The following KRT83 variants were observed in gnomAD, a reference collection of about 807,000 sequenced individuals.
KRT83 encodes the protein keratin, type II cuticular Hb3.
A neutral mutation model predicts 52.9 loss-of-function variants in KRT83; 51 were observed. The observed-to-expected ratio is 0.96, with a 90% CI of 0.77 to 1.22. The LOEUF (loss-of-function observed/expected upper bound fraction) is 1.22. Among genes scored for constraint, KRT83 ranks in the 50% most tolerant of loss-of-function variants. The probability of loss-of-function intolerance (pLI) is 0.00; values close to 1 mark genes in which losing one functional copy is unlikely to be tolerated. For synonymous variants in KRT83, 278 were observed against 274.1 expected, an observed-to-expected ratio of 1.01 and a Z score of -0.14; for missense variants, 654 against 666.5, an observed-to-expected ratio of 0.98 and a Z score of 0.21.
chr12:52,318,575 G>A (rs1174866776), intron 2 of KRT83, among the ~76,000 whole-genome samples: 1 of 152,196 alleles, frequency 6.6e-6, no homozygotes, highest in Non-Finnish European at 1.5e-5. Flanking sequence ...GGAGGGGTAT[G>A]CTGGGCCTGG....
chr12:52,318,563 AGG>A (rs772705528), intron 2 of KRT83, among the ~76,000 whole-genome samples: 1 of 152,004 alleles, frequency 6.6e-6, no homozygotes, highest in African/African-American at 2.4e-5. Context: ...AGAGACAGGG[AGG>A]GAGGGGTATG....
At position 52,319,140 on chromosome 12, in the gene KRT83, T is replaced by C. The variant is rs1367061056; in HGVS notation, c.593+16A>G. 26 of 1,612,672 alleles carry C rather than the reference T, an allele frequency of 1.6e-5. No individual in the cohort carries two copies. The highest frequency in any genetic ancestry group is 2.2e-5 in the Non-Finnish European group (26 of 1,179,830). On this transcript the variant is annotated intron_variant, in intron 2 of 8. Coordinates refer to ENST00000293670, the MANE Select transcript of KRT83 (RefSeq NM_002282.3). ...TGCTATTTCCTGTGCCCAGAACCCC[T>C]CCTGCCCACACTCACTTCTTCTTGT...
At chr12:52,316,265 C>CACACACACACAT in intron 6 of KRT83, 152 bp from the exon 7 acceptor site, 1 of 739,206 alleles carries the variant, frequency 1.4e-6, no homozygotes, top group Non-Finnish European at 2.0e-6. Flanking sequence ...TTACACTACA[C>CACACACACACAT]ACACACACAC....
In KRT83 at chr12:52,319,252, G is replaced by C. The variant is rs200690744; in HGVS notation, c.497C>G (p.Thr166Ser). 1,252 of 1,614,004 alleles carry C rather than the reference G, an allele frequency of 7.8e-4. 23 individuals carry two copies. The South Asian group carries it at 0.013, about 17-fold the overall frequency. ...LEPLFAGYIE[T>S]LRREAECVEA... ...CACGCACTCGGCCTCCCGCCGCAGA[G>C]TCTCGATGTAGCCAGCAAACAGGGG... The change falls in exon 2 of 9, where the codon ACT (threonine) becomes AGT (serine). Residue 166 changes from threonine (T) to serine (S), a missense_variant. Coordinates refer to ENST00000293670, the MANE Select transcript of KRT83 (RefSeq NM_002282.3).
At position 52,316,562 on chromosome 12, in the gene KRT83, T is replaced by C. The variant is rs1412912572; in HGVS notation, c.947A>G (p.His316Arg). 6.2e-7 allele frequency: 1 copy of C among 1,614,138 alleles called. No homozygotes were observed. The highest frequency in any genetic ancestry group is 1.6e-4 in the Middle Eastern group (1 of 6,062). Residue 316 changes from histidine to arginine, a missense_variant, in exon 6 of 9, where the codon CAC (histidine) becomes CGC (arginine). Physicochemically the swap from His to Arg is conservative, Grantham distance 29 (BLOSUM62 0). Transcript: ENST00000293670. ...CEEMKATVIR[H>R]GETLRRTKEE... ...CTTGGTGCGGCGCAGGGTCTCCCCG[T>C]GCCTGATCACTGTGGCCTTCATCTC...
rs1191105703 is a variant in KRT83 at position 52,315,837 on chromosome 12, A to T, written c.1262+56T>A. The stretch of plus-strand genomic sequence containing the variant: ...GGGGACTGAGACTGAGATAGGGAAA[A>T]ATCAAAGGTGGGCAGGTCTATGCAA... On this transcript the variant is annotated intron_variant, in intron 7 of 8. Transcript: ENST00000293670. The T allele has an allele frequency of 1.1e-5, 17 of 1,610,616 alleles. No homozygotes were observed. In the East Asian group the frequency reaches 3.8e-4, roughly 36 times the overall value.
chr12:52,316,863 C>G lies in KRT83; in HGVS notation c.911G>C (p.Ser304Thr). ...CAGGTGTCCTGTGCCGCTCACCTTG[C>G]TGCGATACCAGGACTCGGCCTCAGC... ...SRAEAESWYR[S>T]KCEEMKATVI... The change falls in exon 5 of 9, where the codon AGC (serine) becomes ACC (threonine). Residue 304 changes from serine to threonine, a missense_variant. By Grantham distance (58) the Ser-to-Thr change is moderately conservative. Coordinates refer to ENST00000293670, the MANE Select transcript of KRT83 (RefSeq NM_002282.3). The G allele has an allele frequency of 6.2e-7, 1 of 1,614,186 alleles. No individual in the cohort carries two copies. The highest frequency in any genetic ancestry group is 8.5e-7 in the Non-Finnish European group (1 of 1,180,032).
In KRT83 at chr12:52,317,905, C is replaced by A; in HGVS notation, c.654+5G>T. 1.9e-6 allele frequency: 3 copies of A among 1,614,188 alleles called. No homozygotes were observed. The South Asian group carries it at 3.3e-5, about 18-fold the overall frequency. On this transcript the variant is annotated splice_donor_5th_base_variant and intron_variant, in intron 3 of 8. Coordinates refer to ENST00000293670, the MANE Select transcript of KRT83 (RefSeq NM_002282.3). ...CGGGCTCAGGGCCAGCTGGGCTTCA[C>A]TCACCTTCTTTAGAGCCACAAACTC... is the stretch of plus-strand genomic sequence containing the variant.
intron 2 of KRT83, among the ~76,000 whole-genome samples, chr12:52,318,852 G>A (rs1938727425): frequency 1.3e-5 from 2 of 152,182 alleles, no homozygotes; most frequent in South Asian, 4.1e-4. Context: ...GAGTGAGAGA[G>A]CAAACTTAGG....
At chr12:52,317,153 CA>C (rs1938701074) in intron 4 of KRT83, 130 bp from the exon 5 acceptor site, 3 of 1,204,128 alleles carry the variant, frequency 2.5e-6, no homozygotes, top group Admixed American at 3.9e-5. Flanking sequence ...GATGAAATCA[CA>C]TAACTTTCTG....
Position 52,316,132 on chromosome 12 carries a change from A to G in KRT83, c.1042-19T>C. The G allele has an allele frequency of 6.2e-7, 1 of 1,613,254 alleles. No individual in the cohort carries two copies. The highest frequency in any genetic ancestry group is 1.1e-5 in the South Asian group (1 of 91,040). On this transcript the variant is annotated intron_variant, in intron 6 of 8. Coordinates refer to ENST00000293670, the MANE Select transcript of KRT83 (RefSeq NM_002282.3). ...TGGAGTTCTGGGAGGTAGGGGGAAT[A>G]TGGAGAGGATAAAGTGAAGTTTAGT...
Position 52,317,754 on chromosome 12 carries a change from C to T in KRT83, c.677G>A (p.Arg226His), listed in dbSNP as rs373044241. ...LKKDVDCAYL[R>H]KSDLEANVEA... The stretch of plus-strand genomic sequence containing the variant: ...CACGTTGGCCTCCAGGTCTGACTTG[C>T]GGAGGTAGGCGCAGTCCACATCCTG... The change falls in exon 4 of 9, where the codon CGC (arginine) becomes CAC (histidine). Residue 226 changes from arginine to histidine, a missense_variant. Transcript: ENST00000293670. The T allele has an allele frequency of 4.8e-5, 78 of 1,613,718 alleles. 1 individual carries two copies. The highest frequency in any genetic ancestry group is 1.6e-4 in the South Asian group (15 of 91,048).
intron 1 of KRT83, among the ~76,000 whole-genome samples, 169 bp downstream of exon 1, chr12:52,320,783 G>A (rs772426430): frequency 1.3e-5 from 2 of 152,078 alleles, no homozygotes; most frequent in South Asian, 2.1e-4. Context: ...GGTAGCTCCC[G>A]GTCCCATTTT....
chr12:52,315,860 C>A (rs1565754503), intron 7 of KRT83, 33 bp downstream of exon 7: 4 of 1,612,088 alleles, frequency 2.5e-6, no homozygotes, highest in Non-Finnish European at 3.4e-6. Context: ...CAGGTCTATG[C>A]AAGTGGAGTG....
chr12:52,317,042 G>A lies in KRT83; in HGVS notation c.751-19C>T. Reference sequence around the variant, plus strand: ...GGATCTCCTGCAGGAGGTGGGGAAAGGAAGGACAACTCACTTATCTGGGCT... The same window carrying A: ...GGATCTCCTGCAGGAGGTGGGGAAAAGAAGGACAACTCACTTATCTGGGCT... On this transcript the variant is annotated intron_variant, in intron 4 of 8. Transcript: ENST00000293670. 1 of 1,614,210 alleles carries A rather than the reference G, an allele frequency of 6.2e-7. No individual in the cohort carries two copies. The highest frequency in any genetic ancestry group is 1.7e-5 in the Admixed American group (1 of 60,034).
Position 52,316,516 on chromosome 12 carries a change from G to T in KRT83, c.993C>A (p.Asn331Lys). 1 of 1,614,122 alleles carries T rather than the reference G, an allele frequency of 6.2e-7. No individual in the cohort carries two copies. The highest frequency in any genetic ancestry group is 8.5e-7 in the Non-Finnish European group (1 of 1,180,032). The change falls in exon 6 of 9, where the codon AAC becomes AAA. Residue 331 changes from asparagine (N) to lysine (K), a missense_variant. Asn to Lys is a moderately conservative substitution (Grantham distance 94). Transcript: ENST00000293670. Reference protein sequence around the residue: ...RRTKEEINELNRMIQRLTAEV... With the variant: ...RRTKEEINELKRMIQRLTAEV... ...CGGCTGTCAGCCTCTGGATCATGCG[G>T]TTCAGCTCGTTGATCTCCTCCTTGG... is the stretch of plus-strand genomic sequence containing the variant.
In KRT83 at chr12:52,314,531, A is replaced by G. The variant is rs1440074681; in HGVS notation, c.*100T>C. 1.8e-6 allele frequency: 2 copies of G among 1,126,020 alleles called. No individual in the cohort carries two copies. Among genetic ancestry groups the G allele is most frequent in the Non-Finnish European group, 2.6e-6 (2 of 761,100 alleles). 69.8% of individuals were successfully genotyped at this position (1,126,020 alleles called of 1,614,324 possible). On this transcript the variant is annotated 3_prime_UTR_variant, in exon 9 of 9. Coordinates refer to ENST00000293670, the MANE Select transcript of KRT83 (RefSeq NM_002282.3). Reference sequence around the variant, plus strand: ...AGCCGATGGTGTATTCTCAGAACACAAGGGGAAAAGCCAGCGATGTGCTGC... The same window carrying G: ...AGCCGATGGTGTATTCTCAGAACACGAGGGGAAAAGCCAGCGATGTGCTGC...
chr12:52,315,309 TACAG>T lies in KRT83; in HGVS notation c.1293_1294+2del, dbSNP rs918062198. 5.6e-6 allele frequency: 9 copies of T among 1,613,560 alleles called. No homozygotes were observed. The African/African-American group carries it at 1.1e-4, about 19-fold the overall frequency. On this transcript the variant is annotated splice_donor_variant and coding_sequence_variant, in exon 8 of 9. Coordinates refer to ENST00000293670, the MANE Select transcript of KRT83 (RefSeq NM_002282.3). LOFTEE classifies it high-confidence loss of function. ...TTTCCTTTTCAGGGCTCAAGATACT[TACAG>T]ACATTCACAGCTTCAACACCTTCAC...
In KRT83 at chr12:52,314,796, C is replaced by G. The variant is rs761836125; in HGVS notation, c.1317G>C (p.Gly439=). The G allele has an allele frequency of 6.2e-7, 1 of 1,606,896 alleles. No individual in the cohort carries two copies. Among genetic ancestry groups the G allele is most frequent in the South Asian group, 1.1e-5 (1 of 89,052 alleles). The change falls in exon 9 of 9, where the codon GGG becomes GGC. Residue 439 remains glycine (G), a synonymous_variant. Coordinates refer to ENST00000293670, the MANE Select transcript of KRT83 (RefSeq NM_002282.3). ...ACACGCAGAGATCCCCGCACACAAC[C>G]CCACCCCGGGAGCTGCTGACACCTG... ...VNVCVSSSRG[G]VVCGDLCVSG... is the part of the protein sequence containing the mutation.
Sources: allele counts gnomAD v4.1 joint callset (sites outside exome capture counted in the v4.1 genomes callset), GRCh38; gene constraint gnomAD v4.1.1; transcripts MANE v1.5; gene names NCBI Gene and HGNC (gene_info 2026-07-23, HGNC 2026-07-21).